Variants in THSD4 observed in about 807,000 individuals in gnomAD.
THSD4 encodes thrombospondin type-1 domain-containing protein 4.
A neutral mutation model predicts 119.0 loss-of-function variants in THSD4; 69 were observed. That is an observed-to-expected ratio of 0.58 (90% confidence interval 0.48 to 0.71). The LOEUF (loss-of-function observed/expected upper bound fraction) is 0.71. Among genes scored for constraint, THSD4 ranks in the 30% least tolerant of loss-of-function variants. THSD4 has a pLI of 0.00. For synonymous variants in THSD4, 524 were observed against 540.4 expected (o/e 0.97, Z 0.42); for missense variants, 1,393 against 1,391.1 (o/e 1.00, Z -0.02).
At chr15:71,128,556 A>G (rs1376546603) in intron 1 of THSD4, among the ~76,000 whole-genome samples, 1 of 150,952 alleles carries the variant, frequency 6.6e-6, no homozygotes, top group Non-Finnish European at 1.5e-5. Context: ...ATAACAAAAG[A>G]TCTAACATTT....
intron 4 of THSD4, 110 bp downstream of exon 4, chr15:71,215,509 C>A: frequency 8.8e-7 from 1 of 1,136,450 alleles, no homozygotes; most frequent in Non-Finnish European, 1.2e-6. Context: ...GCGACTAATG[C>A]ATTGCTCTGC....
At chr15:71,408,945 T>C (rs1050094726) in intron 6 of THSD4, among the ~76,000 whole-genome samples, 1 of 152,164 alleles carries the variant, frequency 6.6e-6, no homozygotes, top group African/African-American at 2.4e-5. Context: ...TAGGGTGTTC[T>C]CTAAGGCAAC....
At chr15:71,426,153 A>G (rs990950436) in intron 7 of THSD4, among the ~76,000 whole-genome samples, 1 of 152,206 alleles carries the variant, frequency 6.6e-6, no homozygotes, top group Non-Finnish European at 1.5e-5. Context: ...CGGCTCTGCC[A>G]TCCACTCACA....
At chr15:71,373,280 C>G (rs146726008) in intron 6 of THSD4, among the ~76,000 whole-genome samples, 2 of 152,224 alleles carry the variant, frequency 1.3e-5, no homozygotes, top group Non-Finnish European at 2.9e-5. Flanking sequence ...CTGAATAAGT[C>G]TGAACTTTTA....
intron 7 of THSD4, among the ~76,000 whole-genome samples, chr15:71,641,242 A>G (rs540203818): frequency 9.2e-5 from 14 of 152,228 alleles, no homozygotes; most frequent in African/African-American, 3.1e-4. Flanking sequence ...TTGTTTCCCA[A>G]TCACTACGTG....
At chr15:71,479,489 G>A (rs548623620) in intron 7 of THSD4, among the ~76,000 whole-genome samples, 3 of 152,210 alleles carry the variant, frequency 2.0e-5, no homozygotes, top group East Asian at 1.9e-4. Flanking sequence ...AGAGTGAGAG[G>A]CAGGAAAGAA....
intron 8 of THSD4, among the ~76,000 whole-genome samples, chr15:71,716,787 C>T (rs146260666): frequency 2.6e-5 from 4 of 152,220 alleles, no homozygotes; most frequent in Middle Eastern, 3.4e-3. Context: ...GGGCATCCCC[C>T]CTTGCAGTAT....
intron 14 of THSD4, among the ~76,000 whole-genome samples, chr15:71,752,933 A>G (rs2053474830): frequency 6.6e-6 from 1 of 152,192 alleles, no homozygotes; most frequent in Non-Finnish European, 1.5e-5. Context: ...AGTCTGAACT[A>G]TGAAATTTTT....
rs745936391 is a variant in THSD4, at chr15:71,756,927, A to G, written c.2416-975A>G. Among the ~76,000 whole-genome samples the G allele has an allele frequency of 5.9e-5, 9 of 152,332 alleles. No homozygotes were observed. In the East Asian group the frequency reaches 1.7e-3, roughly 29 times the overall value. The stretch of plus-strand genomic sequence containing the variant: ...CTGTATCCTAGGAGAGGACAGTGTG[A>G]TTGTAGTAGAAAAATCACTAATAGA... On this transcript the variant is annotated intron_variant, in intron 14 of 17. Coordinates refer to ENST00000261862, the MANE Select transcript of THSD4 (RefSeq NM_024817.3).
chr15:71,195,096 G>A (rs966234881), intron 3 of THSD4, among the ~76,000 whole-genome samples: 22 of 152,182 alleles, frequency 1.4e-4, no homozygotes, highest in Non-Finnish European at 3.1e-4. Context: ...GCAAGGCCTC[G>A]TGTTAATTCA....
At chr15:71,445,192 T>C (rs1566986166) in intron 7 of THSD4, among the ~76,000 whole-genome samples, 1 of 152,074 alleles carries the variant, frequency 6.6e-6, no homozygotes, top group South Asian at 2.1e-4. Flanking sequence ...TTACTCTTGG[T>C]CCCCAGAGAG....
chr15:71,341,798 TCTTC>T (rs778013506), intron 6 of THSD4: 179 of 770,002 alleles, frequency 2.3e-4, no homozygotes, highest in African/African-American at 1.6e-3. Context: ...AACCCTCTTT[TCTTC>T]CTTCCTTCCT....
In THSD4 at chr15:71,123,820, C is replaced by T. The variant is rs147232573; in HGVS notation, c.-80+8122C>T. On this transcript the variant is annotated intron_variant, in intron 1 of 17. Transcript: ENST00000261862. ...GAGGGCTACATTCTTGAAGACCTCG[C>T]GGTATTCAGATCTCTCATAATTCAG... Among the ~76,000 whole-genome samples, 808 of 152,276 alleles carry T rather than the reference C, an allele frequency of 5.3e-3. 23 individuals are homozygous for T. The highest frequency in any genetic ancestry group is 0.038 in the Admixed American group (583 of 15,304).
At chr15:71,362,684 C>T (rs185822680) in intron 6 of THSD4, among the ~76,000 whole-genome samples, 97 of 152,204 alleles carry the variant, frequency 6.4e-4, no homozygotes, top group African/African-American at 2.2e-3. Context: ...AATTAATTTC[C>T]ATGCATGGTC....
intron 6 of THSD4, among the ~76,000 whole-genome samples, chr15:71,317,554 G>A (rs1170496461): frequency 6.6e-6 from 1 of 152,286 alleles, no homozygotes. Flanking sequence ...CATGATTCAG[G>A]TAACTTTCAC....
intron 8 of THSD4, among the ~76,000 whole-genome samples, chr15:71,717,707 CAG>C (rs2052636995): frequency 6.6e-6 from 1 of 152,042 alleles, no homozygotes; most frequent in Non-Finnish European, 1.5e-5. Flanking sequence ...GCACGGGAGA[CAG>C]AGGAGCGGTA....
intron 6 of THSD4, among the ~76,000 whole-genome samples, chr15:71,298,219 T>C (rs956576599): frequency 1.2e-4 from 19 of 152,218 alleles, no homozygotes; most frequent in African/African-American, 3.6e-4. Context: ...TGAATGGTCT[T>C]GGTACCTTTA....
At chr15:71,690,788 T>A (rs1238630242) in intron 8 of THSD4, among the ~76,000 whole-genome samples, 3 of 152,172 alleles carry the variant, frequency 2.0e-5, no homozygotes, top group Non-Finnish European at 4.4e-5. Context: ...AACCATCAGA[T>A]CTTGTGAGAC....
intron 7 of THSD4, among the ~76,000 whole-genome samples, chr15:71,620,074 A>G (rs1328582315): frequency 6.6e-6 from 1 of 152,184 alleles, no homozygotes; most frequent in African/African-American, 2.4e-5. Flanking sequence ...GGCCTTTGAG[A>G]GTCCTAAGAA....
Sources: allele counts gnomAD v4.1 joint callset (sites outside exome capture counted in the v4.1 genomes callset), GRCh38; gene constraint gnomAD v4.1.1; transcripts MANE v1.5; gene names NCBI Gene and HGNC (gene_info 2026-07-23, HGNC 2026-07-21).